The following TLR6 variants were observed in gnomAD, a reference collection of about 807,000 sequenced individuals.
The protein encoded by TLR6 is toll-like receptor 6.
In TLR6, 9 loss-of-function variants were observed where a neutral mutation model predicts 16.1. The observed-to-expected ratio is 0.56, with a 90% CI of 0.34 to 0.98. The LOEUF (loss-of-function observed/expected upper bound fraction) is 0.98. Among genes scored for constraint, TLR6 ranks in the 50% least tolerant of loss-of-function variants. The pLI is 0.02. For synonymous variants in TLR6, 340 were observed against 338.6 expected (o/e 1.00, Z -0.04); for missense variants, 786 against 921.0 (o/e 0.85, Z 1.90).
intron 1 of TLR6, among the ~76,000 whole-genome samples, chr4:38,854,112 AC>A (rs1268388846): frequency 6.6e-6 from 1 of 152,242 alleles, no homozygotes; most frequent in Admixed American, 6.5e-5. Context: ...AGTTTACTGT[AC>A]TATTTACTGA....
chr4:38,829,292 T>G (rs764874412), exon 2 of TLR6: 2 of 1,614,206 alleles, frequency 1.2e-6, no homozygotes, highest in Non-Finnish European at 1.7e-6. Context: ...GATGTAGTTC[T>G]GAGACATATC....
chr4:38,856,064 C>T lies in TLR6; in HGVS notation c.-65+697G>A, dbSNP rs553097132. 1.1e-4 allele frequency among the ~76,000 whole-genome samples: 16 copies of T among 152,176 alleles called. No individual in the cohort carries two copies. In the East Asian group the frequency reaches 1.9e-3, roughly 18 times the overall value. On this transcript the variant is annotated intron_variant, in intron 1 of 1. Coordinates refer to ENST00000436693, the Ensembl canonical transcript of TLR6. ...TCACATAATCAAGTTAACAAATAGG[C>T]AAGAAAAACATTGTTTCATTTGTCA...
intron 1 of TLR6, among the ~76,000 whole-genome samples, chr4:38,852,620 AC>A (rs1320122148): frequency 6.6e-6 from 1 of 152,152 alleles, no homozygotes; most frequent in Non-Finnish European, 1.5e-5. Flanking sequence ...GCCAAAAGAC[AC>A]ATGAAAAAAT....
upstream of TLR6, among the ~76,000 whole-genome samples, chr4:38,857,667 AAC>A (rs1713045024): frequency 7.3e-6 from 1 of 137,566 alleles, no homozygotes; most frequent in African/African-American, 3.2e-5. Flanking sequence ...AAAAAAAAAC[AAC>A]AACAAGTTAA....
chr4:38,864,543 C>T, the TLR6 span, among the ~76,000 whole-genome samples: 2 of 152,194 alleles, frequency 1.3e-5, no homozygotes, highest in Non-Finnish European at 2.9e-5. Flanking sequence ...TATTCATGCC[C>T]TCCTATGAAG....
chr4:38,828,462 T>C, exon 2 of TLR6: 1 of 1,614,198 alleles, frequency 6.2e-7, no homozygotes, highest in Non-Finnish European at 8.5e-7. Context: ...GTATCTGAAA[T>C]GGTTAACATC....
chr4:38,858,891 GAAA>G (rs1713128961), upstream of TLR6, among the ~76,000 whole-genome samples: 2 of 128,924 alleles, frequency 1.6e-5, no homozygotes, highest in African/African-American at 6.0e-5. Context: ...AAGAAAGAGA[GAAA>G]GAAAGAAAGA....
At chr4:38,867,415 C>G in the TLR6 span, among the ~76,000 whole-genome samples, 3 of 152,310 alleles carry the variant, frequency 2.0e-5, no homozygotes, top group Non-Finnish European at 2.9e-5. Context: ...ACACTCCCAC[C>G]GACAGGGCAA....
chr4:38,828,818 G>C, exon 2 of TLR6: 2 of 1,614,076 alleles, frequency 1.2e-6, no homozygotes, highest in Non-Finnish European at 1.7e-6. Context: ...GCACCCTAAA[G>C]TATTAACTGA....
chr4:38,853,230 T>G (rs1293832018), intron 1 of TLR6, among the ~76,000 whole-genome samples: 1 of 77,280 alleles, frequency 1.3e-5, no homozygotes, highest in East Asian at 4.8e-4. Flanking sequence ...GGGCCTGTCG[T>G]GGGGTGGGGG....
downstream of TLR6, among the ~76,000 whole-genome samples, chr4:38,823,179 C>T (rs1000490780): frequency 6.6e-6 from 1 of 152,216 alleles, no homozygotes; most frequent in African/African-American, 2.4e-5. Flanking sequence ...TGGGTGGGGA[C>T]ACAGCCAACC....
At chr4:38,862,703 C>T in the TLR6 span, among the ~76,000 whole-genome samples, 2 of 145,118 alleles carry the variant, frequency 1.4e-5, no homozygotes, top group South Asian at 2.2e-4. Context: ...TCAAGCAATT[C>T]TCCTGCCTCA....
At chr4:38,868,073 G>C in the TLR6 span, 1 of 415,650 alleles carries the variant, frequency 2.4e-6, no homozygotes. Context: ...GTGTGTGTGA[G>C]TGTGTGTCGC....
chr4:38,832,585 A>G (rs1343273348), intron 1 of TLR6, among the ~76,000 whole-genome samples: 1 of 152,070 alleles, frequency 6.6e-6, no homozygotes, highest in African/African-American at 2.4e-5. Flanking sequence ...CTGAGACCCA[A>G]ACAGCTTCAG....
chr4:38,826,891 G>A, exon 2 of TLR6: 2 of 528,594 alleles, frequency 3.8e-6, no homozygotes, highest in Non-Finnish European at 6.6e-6. Flanking sequence ...AACCAGAAGA[G>A]ACTGGGCTGT....
the TLR6 span, chr4:38,868,261 C>T: frequency 6.3e-6 from 1 of 157,670 alleles, no homozygotes. Context: ...GCTGCAGGGT[C>T]CCCCAGCCCG....
chr4:38,834,248 AT>A (rs1403983390), intron 1 of TLR6, among the ~76,000 whole-genome samples: 10 of 138,998 alleles, frequency 7.2e-5, no homozygotes, highest in Non-Finnish European at 1.1e-4. Context: ...CAAAAAAAAA[AT>A]ATATATATAA....
rs371595778 is a variant in TLR6, at chr4:38,829,062, T to C, written c.412A>G (p.Ile138Val). ...GATAAGTTGCCAAATTCCTTACAGA[T>C]GGGCAGGGCCTTGAAATCATTGAAT... The change falls in exon 2 of 2, where the codon ATC (isoleucine) becomes GTC (valine). Residue 138 changes from isoleucine to valine, a missense_variant. By Grantham distance (29) the Ile-to-Val change is conservative. Transcript: ENST00000436693. 3.1e-6 allele frequency: 5 copies of C among 1,614,180 alleles called. No homozygotes were observed. In the South Asian group the frequency reaches 4.4e-5, roughly 14 times the overall value.
At chr4:38,860,595 C>T (rs1713174547), upstream of TLR6, among the ~76,000 whole-genome samples, 1 of 148,442 alleles carries the variant, frequency 6.7e-6, no homozygotes, top group Non-Finnish European at 1.5e-5. Flanking sequence ...CTTGTATAAT[C>T]ACAAAAGTGT....
Sources: allele counts gnomAD v4.1 joint callset (sites outside exome capture counted in the v4.1 genomes callset), GRCh38; gene constraint gnomAD v4.1.1; transcripts MANE v1.5; gene names NCBI Gene and HGNC (gene_info 2026-07-23, HGNC 2026-07-21).